CCDC50: variants seen among roughly 807,000 people sequenced by gnomAD.
CCDC50 encodes the protein coiled-coil domain containing 50, also known as coiled-coil domain-containing protein 50.
In CCDC50, 54 loss-of-function variants were observed where a neutral mutation model predicts 70.2. The observed-to-expected ratio is 0.77, with a 90% CI of 0.62 to 0.96. The LOEUF (loss-of-function observed/expected upper bound fraction) is 0.96, where lower values mean the gene tolerates loss of function less well. CCDC50 is among the 50% of genes least tolerant of loss of function. The pLI is 0.00. For missense variants in CCDC50, 558 were observed against 578.7 expected, an observed-to-expected ratio of 0.96 and a Z score of 0.37; for synonymous variants, 216 against 198.8, an observed-to-expected ratio of 1.09 and a Z score of -0.73.
At chr3:191,355,840 C>T (rs565481030) in intron 1 of CCDC50, among the ~76,000 whole-genome samples, 2 of 152,234 alleles carry the variant, frequency 1.3e-5, no homozygotes, top group South Asian at 2.1e-4. Flanking sequence ...AGAATTATTC[C>T]TCCATTATAA....
intron 1 of CCDC50, among the ~76,000 whole-genome samples, chr3:191,336,878 AT>A (rs1711537955): frequency 6.6e-6 from 1 of 152,218 alleles, no homozygotes. Flanking sequence ...AGTAATTCAA[AT>A]TTGTTGCAGG....
chr3:191,379,238 G>A (rs1713222942), intron 6 of CCDC50, among the ~76,000 whole-genome samples: 1 of 151,990 alleles, frequency 6.6e-6, no homozygotes, highest in Non-Finnish European at 1.5e-5. Flanking sequence ...ATCTGTGGGG[G>A]TTGGGGCAAA....
chr3:191,337,327 C>G (rs1385993229), intron 1 of CCDC50, among the ~76,000 whole-genome samples: 1 of 152,084 alleles, frequency 6.6e-6, no homozygotes, highest in Non-Finnish European at 1.5e-5. Context: ...GTTGATTGAA[C>G]TCTTATGACA....
chr3:191,356,179 T>C lies in CCDC50; in HGVS notation c.50-909T>C, dbSNP rs75755521. Among the ~76,000 whole-genome samples the C allele has an allele frequency of 7.6e-3, 1,156 of 152,322 alleles. 11 individuals carry two copies. Among genetic ancestry groups the C allele is most frequent in the Non-Finnish European group, 0.013 (910 of 68,014 alleles). On this transcript the variant is annotated intron_variant, in intron 1 of 11. Transcript: ENST00000392455. ...TAGAGTGAGAACATATCACCTAAAC[T>C]ACACGTCCTTAAAACAGCACTTTAC...
Position 191,389,595 on chromosome 3 carries a change from T to C in CCDC50, c.1422T>C (p.Ser474=), listed in dbSNP as rs769648342. The C allele has an allele frequency of 2.6e-5, 42 of 1,611,162 alleles. No individual in the cohort carries two copies. Among genetic ancestry groups the C allele is most frequent in the Middle Eastern group, 1.6e-4 (1 of 6,080 alleles). The change falls in exon 11 of 12, where the codon TCT becomes TCC. Residue 474 remains serine (S), a synonymous_variant. Transcript: ENST00000392455. The part of the protein sequence containing the change: ...STRHFSKSES[S]HKGFHYKH ...GGCATTTCTCAAAATCAGAGTCCTC[T>C]CATAAAGGTAAGAAGAGTATGTATG...
At chr3:191,380,651 A>G (rs373099425) in intron 7 of CCDC50, 36 bp from the exon 8 acceptor site, 7 of 1,595,688 alleles carry the variant, frequency 4.4e-6, no homozygotes, top group Non-Finnish European at 6.0e-6. Context: ...ATAGATTCCA[A>G]TTAAATTCTT....
chr3:191,379,617 C>G lies in CCDC50; in HGVS notation c.977-542C>G, dbSNP rs569008781. ...GTTCTAAAGCGAGTGGGTTTATTTA[C>G]TCTCAGAGGAAAAGCCATGGCAGGA... On this transcript the variant is annotated intron_variant, in intron 6 of 11. Coordinates refer to ENST00000392455, the MANE Select transcript of CCDC50 (RefSeq NM_178335.3). Among the ~76,000 whole-genome samples, 3 of 152,136 alleles carry G rather than the reference C, an allele frequency of 2.0e-5. No homozygotes were observed. The East Asian group carries it at 5.8e-4, about 29-fold the overall frequency.
Position 191,329,417 on chromosome 3 carries a change from T to C in CCDC50, c.-258T>C, listed in dbSNP as rs766656856. ...CCATTTCCGGGCTCCGGATATTTGG[T>C]ATCGATTGGGGCCGGGGACGCGGAG... On this transcript the variant is annotated 5_prime_UTR_variant, in exon 1 of 12. Coordinates refer to ENST00000392455, the MANE Select transcript of CCDC50 (RefSeq NM_178335.3). The C allele has an allele frequency of 3.0e-4, 119 of 396,256 alleles. No individual in the cohort carries two copies. The highest frequency in any genetic ancestry group is 4.8e-4 in the Non-Finnish European group (108 of 224,374). 24.5% of individuals were successfully genotyped at this position (396,256 alleles called of 1,614,324 possible). A position where few individuals can be genotyped will look rare whatever the true frequency, so the allele number is the denominator to read the frequency against.
chr3:191,371,358 A>G (rs1434266030), intron 5 of CCDC50, among the ~76,000 whole-genome samples: 1 of 152,104 alleles, frequency 6.6e-6, no homozygotes, highest in Non-Finnish European at 1.5e-5. Context: ...CTTCTCAAAG[A>G]CTTGTCAAAG....
rs1376925645 is a variant in CCDC50, at chr3:191,398,370, T to C, written c.*6610T>C. 1 of 152,198 alleles carries C rather than the reference T, an allele frequency of 6.6e-6. No individual in the cohort carries two copies. The highest frequency in any genetic ancestry group is 1.9e-4 in the East Asian group (1 of 5,208). The allele number at this position is 152,198 out of a possible 1,614,324, so 9.4% of individuals were successfully genotyped here. A position where few individuals can be genotyped will look rare whatever the true frequency, so the allele number is the denominator to read the frequency against. On this transcript the variant is annotated 3_prime_UTR_variant, in exon 12 of 12. Coordinates refer to ENST00000392455, the MANE Select transcript of CCDC50 (RefSeq NM_178335.3). Reference sequence around the variant, plus strand: ...TGTGTGCTTTGTTTTCCTGGATGGTTTGACCAAGGTAAACATCAGTCTTGT... The same window carrying C: ...TGTGTGCTTTGTTTTCCTGGATGGTCTGACCAAGGTAAACATCAGTCTTGT...
intron 4 of CCDC50, among the ~76,000 whole-genome samples, chr3:191,363,263 C>G (rs1712559821): frequency 6.6e-6 from 1 of 152,144 alleles, no homozygotes; most frequent in Non-Finnish European, 1.5e-5. Context: ...AAGTAAGTGA[C>G]TGATTCCAAG....
chr3:191,373,537 C>T (rs966696813), intron 5 of CCDC50, among the ~76,000 whole-genome samples: 2 of 152,044 alleles, frequency 1.3e-5, no homozygotes, highest in Admixed American at 1.3e-4. Context: ...ACACCGTAAA[C>T]CATTGTTCCC....
rs531133756 is a variant in CCDC50 at position 191,371,066 on chromosome 3, G to A, written c.448+1030G>A. 9.2e-5 allele frequency among the ~76,000 whole-genome samples: 14 copies of A among 152,256 alleles called. No homozygotes were observed. In the East Asian group the frequency reaches 2.7e-3, roughly 29 times the overall value. ...ACTGGGTAACAAAGCTTTGTTCTGTGCTTTCTTGCCTTTTAAACCTAGGCC... is the reference window on the plus strand; with the variant it reads ...ACTGGGTAACAAAGCTTTGTTCTGTACTTTCTTGCCTTTTAAACCTAGGCC... On this transcript the variant is annotated intron_variant, in intron 5 of 11. Coordinates refer to ENST00000392455, the MANE Select transcript of CCDC50 (RefSeq NM_178335.3).
intron 1 of CCDC50, among the ~76,000 whole-genome samples, chr3:191,348,647 A>G (rs1291198579): frequency 7.0e-6 from 1 of 141,944 alleles, no homozygotes; most frequent in African/African-American, 2.5e-5. Context: ...AGAACAGGGA[A>G]TTTGGAGACT....
chr3:191,346,076 A>G (rs1262512434), intron 1 of CCDC50, among the ~76,000 whole-genome samples: 1 of 152,134 alleles, frequency 6.6e-6, no homozygotes, highest in Non-Finnish European at 1.5e-5. Context: ...CTCTTCTTAC[A>G]TTGGTGTTCA....
In CCDC50 at chr3:191,398,394, G is replaced by A. The variant is rs549674246; in HGVS notation, c.*6634G>A. The A allele has an allele frequency of 6.6e-6, 1 of 152,208 alleles. No individual in the cohort carries two copies. Among genetic ancestry groups the A allele is most frequent in the South Asian group, 2.1e-4 (1 of 4,816 alleles). 9.4% of individuals were successfully genotyped at this position (152,208 alleles called of 1,614,324 possible). ...TTTGACCAAGGTAAACATCAGTCTT[G>A]TCCTTCTCTCTTAATAAAGTCATCC... On this transcript the variant is annotated 3_prime_UTR_variant, in exon 12 of 12. Transcript: ENST00000392455.
intron 1 of CCDC50, among the ~76,000 whole-genome samples, chr3:191,333,844 A>T (rs976651410): frequency 6.6e-6 from 1 of 152,176 alleles, no homozygotes; most frequent in Non-Finnish European, 1.5e-5. Flanking sequence ...TTATACCAGC[A>T]TTAAATTTAT....
Position 191,348,133 on chromosome 3 carries a change from A to G in CCDC50, c.50-8955A>G, listed in dbSNP as rs1169356390. Among the ~76,000 whole-genome samples, 5 of 142,208 alleles carry G rather than the reference A, an allele frequency of 3.5e-5. 1 individual carries two copies. Among genetic ancestry groups the G allele is most frequent in the Non-Finnish European group, 7.9e-5 (5 of 63,062 alleles). The allele number at this position is 142,208 out of a possible 152,430, so 93.3% of individuals were successfully genotyped here. A position where few individuals can be genotyped will look rare whatever the true frequency, so the allele number is the denominator to read the frequency against. On this transcript the variant is annotated intron_variant, in intron 1 of 11. Transcript: ENST00000392455. ...AGAAAATGATAGATGAGTCTGCTGT[A>G]TGTTTGTGAGTCAGCTACATAGGTG...
chr3:191,387,468 T>G (rs1271364300), intron 10 of CCDC50, among the ~76,000 whole-genome samples: 3 of 151,162 alleles, frequency 2.0e-5, no homozygotes, highest in Non-Finnish European at 4.4e-5. Flanking sequence ...GTCTCAGGTA[T>G]AACAAAATAA....
Sources: allele counts gnomAD v4.1 joint callset (sites outside exome capture counted in the v4.1 genomes callset), GRCh38; gene constraint gnomAD v4.1.1; transcripts MANE v1.5; gene names NCBI Gene and HGNC (gene_info 2026-07-23, HGNC 2026-07-21).